The following ANKRD11 variants were observed in gnomAD, a reference collection of about 807,000 sequenced individuals.
The protein encoded by ANKRD11 is ankyrin repeat domain 11.
Under a neutral mutation model 195.7 loss-of-function variants are expected in ANKRD11, and 17 were observed. The observed-to-expected ratio is 0.09, with a 90% CI of 0.06 to 0.13. The LOEUF (loss-of-function observed/expected upper bound fraction) is 0.13, where lower values mean the gene tolerates loss of function less well. ANKRD11 is among the 10% of genes least tolerant of loss of function. The probability of loss-of-function intolerance (pLI) is 1.00; values close to 1 mark genes in which losing one functional copy is unlikely to be tolerated. For synonymous variants in ANKRD11, 1,953 were observed against 1,528.1 expected (o/e 1.28, Z -6.49); for missense variants, 3,735 against 3,566.1 (o/e 1.05, Z -1.21).
chr16:89,413,728 C>A (rs554784266), intron 2 of ANKRD11, among the ~76,000 whole-genome samples: 46 of 152,294 alleles, frequency 3.0e-4, no homozygotes, highest in Admixed American at 7.2e-4. Context: ...CGCCAGGAAC[C>A]CCTGGAGCAT....
chr16:89,347,607 TA>T (rs5818710), intron 2 of ANKRD11, among the ~76,000 whole-genome samples: 1,431 of 127,320 alleles, frequency 0.011, 16 homozygotes, highest in African/African-American at 0.039. Context: ...CGAGACTCCG[TA>T]AAAAAAAAAA....
At chr16:89,364,214 C>T (rs1318281419) in intron 2 of ANKRD11, among the ~76,000 whole-genome samples, 1 of 152,232 alleles carries the variant, frequency 6.6e-6, no homozygotes, top group Non-Finnish European at 1.5e-5. Context: ...TGCCCTCAGG[C>T]AACATGTGGG....
At chr16:89,303,209 A>G (rs1012878224) in intron 4 of ANKRD11, among the ~76,000 whole-genome samples, 4 of 152,210 alleles carry the variant, frequency 2.6e-5, no homozygotes, top group African/African-American at 7.2e-5. Context: ...GACATCACAG[A>G]AACACCTCAA....
chr16:89,430,174 A>G (rs1238736708), intron 1 of ANKRD11, among the ~76,000 whole-genome samples: 1 of 92,236 alleles, frequency 1.1e-5, no homozygotes, highest in Non-Finnish European at 2.2e-5. Flanking sequence ...TCTAGTACAT[A>G]GCAGGGACTC....
intron 1 of ANKRD11, among the ~76,000 whole-genome samples, chr16:89,436,835 T>C (rs951143567): frequency 6.6e-6 from 1 of 152,226 alleles, no homozygotes; most frequent in African/African-American, 2.4e-5. Context: ...CCCCTGAAGG[T>C]TGGACAATGG....
intron 2 of ANKRD11, among the ~76,000 whole-genome samples, chr16:89,394,786 A>G (rs2041353639): frequency 6.6e-6 from 1 of 152,178 alleles, no homozygotes; most frequent in Non-Finnish European, 1.5e-5. Flanking sequence ...AGCCATCTCC[A>G]TAATATATGG....
intron 1 of ANKRD11, among the ~76,000 whole-genome samples, chr16:89,422,873 T>C (rs547265666): frequency 2.6e-5 from 4 of 152,194 alleles, no homozygotes; most frequent in Non-Finnish European, 5.9e-5. Flanking sequence ...CTTTAATCAC[T>C]TTTTTCTTTT....
intron 2 of ANKRD11, among the ~76,000 whole-genome samples, chr16:89,382,125 A>T (rs1161876047): frequency 6.6e-6 from 1 of 152,118 alleles, no homozygotes; most frequent in African/African-American, 2.4e-5. Context: ...GCCTCCCAGC[A>T]GCTGGGCACA....
chr16:89,469,322 A>T (rs1240209385), intron 1 of ANKRD11, among the ~76,000 whole-genome samples: 1 of 152,108 alleles, frequency 6.6e-6, no homozygotes, highest in African/African-American at 2.4e-5. Context: ...CCCAGGTTCA[A>T]GAGATTCTCC....
intron 6 of ANKRD11, among the ~76,000 whole-genome samples, chr16:89,290,316 G>A (rs112677940): frequency 8.0e-6 from 1 of 124,794 alleles, no homozygotes; most frequent in Non-Finnish European, 1.7e-5. Flanking sequence ...GGGCTCCAAT[G>A]GGGGGAGGCT....
At position 89,399,692 on chromosome 16, in the gene ANKRD11, G is replaced by A. The variant is rs547192461; in HGVS notation, c.-60+18592C>T. 5.9e-5 allele frequency among the ~76,000 whole-genome samples: 9 copies of A among 152,300 alleles called. No homozygotes were observed. In the South Asian group the frequency reaches 6.2e-4, roughly 11 times the overall value. ...ATGACACTGTCTCCAGGGCGGTCGC[G>A]ACTATAACAAATGGCCGCTCTTGTG... On this transcript the variant is annotated intron_variant, in intron 2 of 12. Coordinates refer to ENST00000301030, the MANE Select transcript of ANKRD11 (RefSeq NM_013275.6).
chr16:89,468,232 C>T (rs980813128), intron 1 of ANKRD11, among the ~76,000 whole-genome samples: 6 of 152,206 alleles, frequency 3.9e-5, no homozygotes, highest in Non-Finnish European at 8.8e-5. Context: ...TACAGCAAAA[C>T]TAAGAGGATT....
At chr16:89,287,027 C>G in intron 7 of ANKRD11, 1 of 1,289,578 alleles carries the variant, frequency 7.8e-7, no homozygotes, top group Non-Finnish European at 1.0e-6. Flanking sequence ...TCTATGGTGA[C>G]TACACAAAAC....
chr16:89,376,027 G>GA (rs999043622), intron 2 of ANKRD11, among the ~76,000 whole-genome samples: 2 of 152,168 alleles, frequency 1.3e-5, no homozygotes, highest in African/African-American at 4.8e-5. Context: ...CACAAAAAAA[G>GA]AACAGGACAT....
Position 89,393,944 on chromosome 16 carries a change from T to C in ANKRD11, c.-60+24340A>G, listed in dbSNP as rs117095840. Among the ~76,000 whole-genome samples the C allele has an allele frequency of 3.9e-3, 590 of 152,332 alleles. 1 individual carries two copies. Among genetic ancestry groups the C allele is most frequent in the Non-Finnish European group, 5.1e-3 (345 of 68,036 alleles). ...GTGCTTGTAATAGAGACTAGTTTAC[T>C]TGTGAGGGCTACGAATAAGTGAAGC... On this transcript the variant is annotated intron_variant, in intron 2 of 12. Coordinates refer to ENST00000301030, the MANE Select transcript of ANKRD11 (RefSeq NM_013275.6).
Position 89,280,755 on chromosome 16 carries a change from G to C in ANKRD11, c.5787C>G (p.Ser1929Arg). 1 of 1,613,364 alleles carries C rather than the reference G, an allele frequency of 6.2e-7. No individual in the cohort carries two copies. Residue 1929 changes from serine (S) to arginine (R), a missense_variant, in exon 9 of 13, where the codon AGC becomes AGG. Coordinates refer to ENST00000301030, the MANE Select transcript of ANKRD11 (RefSeq NM_013275.6). ...GACCCTCGTCCAGCGGCTCCAGGTA[G>C]CTGGGCTCCGGGGGGATGATGGCGG... is the stretch of plus-strand genomic sequence containing the variant. Reference protein sequence around the residue: ...ATAAIIPPEPSYLEPLDEGPF... With the variant: ...ATAAIIPPEPRYLEPLDEGPF...
chr16:89,488,010 G>A (rs570586041), intron 1 of ANKRD11, among the ~76,000 whole-genome samples: 8 of 152,192 alleles, frequency 5.3e-5, no homozygotes, highest in Middle Eastern at 3.4e-3. Flanking sequence ...AGCATCTGGC[G>A]GTGGCAATGC....
chr16:89,294,578 G>T (rs1421920828), intron 4 of ANKRD11, among the ~76,000 whole-genome samples: 11 of 152,168 alleles, frequency 7.2e-5, no homozygotes, highest in Non-Finnish European at 1.5e-4. Flanking sequence ...GGCTTCTGGG[G>T]TAGAGGGAAA....
intron 1 of ANKRD11, among the ~76,000 whole-genome samples, chr16:89,456,134 G>A (rs1030335572): frequency 6.6e-6 from 1 of 151,960 alleles, no homozygotes; most frequent in Non-Finnish European, 1.5e-5. Flanking sequence ...CAGCTACCCG[G>A]GAGGCTAAGG....
Sources: allele counts gnomAD v4.1 joint callset (sites outside exome capture counted in the v4.1 genomes callset), GRCh38; gene constraint gnomAD v4.1.1; transcripts MANE v1.5; gene names NCBI Gene and HGNC (gene_info 2026-07-23, HGNC 2026-07-21).